The following ZP3 variants were observed in gnomAD, a reference collection of about 807,000 sequenced individuals.
ZP3 encodes the protein zona pellucida sperm-binding protein 3.
A neutral mutation model predicts 35.6 loss-of-function variants in ZP3; 21 were observed. The ratio of observed to expected loss-of-function variants is 0.59; its 90% CI spans 0.42 to 0.85. The LOEUF (loss-of-function observed/expected upper bound fraction) is 0.85. Ranked by LOEUF, ZP3 falls within the 40% of genes least tolerant of loss-of-function variation. The pLI is 0.00. For synonymous variants in ZP3, 207 were observed against 214.5 expected, an observed-to-expected ratio of 0.96 and a Z score of 0.31; for missense variants, 437 against 536.5, an observed-to-expected ratio of 0.81 and a Z score of 1.83.
chr7:76,411,013 A>AAAAAAAAAAAAAAAAAAAAAG (rs1554623386), intron 1 of ZP3, among the ~76,000 whole-genome samples: 1 of 131,140 alleles, frequency 7.6e-6, no homozygotes, highest in African/African-American at 3.1e-5. Context: ...AAAAAAAAAA[A>AAAAAAAAAAAAAAAAAAAAAG]AAAAGAAAAG....
intron 1 of ZP3, among the ~76,000 whole-genome samples, chr7:76,412,804 G>A (rs1337187005): frequency 6.0e-5 from 9 of 150,896 alleles, no homozygotes; most frequent in Non-Finnish European, 1.2e-4. Flanking sequence ...AGCTGAGATC[G>A]CGCCATTGCA....
At chr7:76,422,186 T>C (rs367780753), upstream of ZP3, among the ~76,000 whole-genome samples, 16 of 151,618 alleles carry the variant, frequency 1.1e-4, no homozygotes, top group East Asian at 3.1e-3. Context: ...CATGAGCCAC[T>C]ACGCCCGGCC....
At chr7:76,432,857 C>A in intron 2 of ZP3, 70 bp from the exon 3 acceptor site, 1 of 1,332,200 alleles carries the variant, frequency 7.5e-7, no homozygotes, top group Non-Finnish European at 1.1e-6. Flanking sequence ...CAGTGAGATA[C>A]TCCCCATCAG....
intron 7 of ZP3, 120 bp from the exon 8 acceptor site, chr7:76,441,722 T>G (rs1041858239): frequency 4.0e-5 from 48 of 1,193,094 alleles, no homozygotes; most frequent in South Asian, 3.8e-5. Flanking sequence ...AGAAACTGTT[T>G]ATTAGCCCAC....
intron 1 of ZP3, among the ~76,000 whole-genome samples, chr7:76,414,070 C>G (rs1000116853): frequency 6.7e-6 from 1 of 150,246 alleles, no homozygotes; most frequent in Non-Finnish European, 1.5e-5. Flanking sequence ...GATCTCAGCT[C>G]GCTGCAACCT....
In ZP3 at chr7:76,401,050, C is replaced by A; in HGVS notation, c.-67+3253C>A. On this transcript the variant is annotated intron_variant, in intron 1 of 8. Coordinates refer to the ZP3 transcript ENST00000336517. ...GTGGGCTGTAGGGCGCTGGCTGAAA[C>A]AGAGTGAGGAAGAGCATTGGCCCCT... 6.5e-7 allele frequency: 1 copy of A among 1,545,864 alleles called. No individual in the cohort carries two copies. Among genetic ancestry groups the A allele is most frequent in the Non-Finnish European group, 8.7e-7 (1 of 1,144,028 alleles).
intron 1 of ZP3, among the ~76,000 whole-genome samples, chr7:76,398,170 C>T (rs1305619159): frequency 6.6e-6 from 1 of 152,152 alleles, no homozygotes; most frequent in Admixed American, 6.6e-5. Flanking sequence ...CCTCTTCCAC[C>T]TCTGGACTTC....
Position 76,419,254 on chromosome 7 carries a change from A to G in ZP3, c.-66-5798A>G, listed in dbSNP as rs535522280. On this transcript the variant is annotated intron_variant, in intron 1 of 8. Transcript: ENST00000336517. ...TTTGGAGGGTAGGGTCTTATTTAGCAAATATTTTCCAGCTCACTCTGCCCT... is the reference window on the plus strand; with the variant it reads ...TTTGGAGGGTAGGGTCTTATTTAGCGAATATTTTCCAGCTCACTCTGCCCT... Among the ~76,000 whole-genome samples the G allele has an allele frequency of 3.9e-5, 6 of 152,296 alleles. No individual in the cohort carries two copies. The East Asian group carries it at 1.2e-3, about 29-fold the overall frequency.
At chr7:76,398,710 G>A (rs749922061) in intron 1 of ZP3, 3 of 1,612,470 alleles carry the variant, frequency 1.9e-6, no homozygotes, top group Non-Finnish European at 1.7e-6. Flanking sequence ...CCCACATTAT[G>A]CTTACGTACT....
intron 1 of ZP3, among the ~76,000 whole-genome samples, chr7:76,411,246 C>T (rs7777294): frequency 0.17 from 26,072 of 151,880 alleles, 4,373 homozygotes; most frequent in African/African-American, 0.43. Flanking sequence ...TTTTTCGGTT[C>T]CTAAGCAAGC....
At chr7:76,429,010 ACTTCCTGACTG>A (rs1472284220) in intron 1 of ZP3, 1 of 167,496 alleles carries the variant, frequency 6.0e-6, no homozygotes, top group African/African-American at 2.4e-5. Context: ...ACAGCTGGGC[ACTTCCTGACTG>A]CTTCCTGGCG....
intron 3 of ZP3, 60 bp downstream of exon 3, chr7:76,433,090 G>A: frequency 1.6e-6 from 2 of 1,251,076 alleles, no homozygotes; most frequent in South Asian, 3.0e-5. Flanking sequence ...TCAGACCCCT[G>A]CCCTTGGCTG....
intron 1 of ZP3, among the ~76,000 whole-genome samples, chr7:76,405,308 TATATATATG>T (rs1804973194): frequency 1.6e-5 from 1 of 64,422 alleles, no homozygotes; most frequent in African/African-American, 7.0e-5. Context: ...TATATATATA[TATATATATG>T]TATTTTTTTC....
intron 1 of ZP3, chr7:76,404,590 G>A: frequency 1.8e-6 from 2 of 1,123,414 alleles, no homozygotes; most frequent in Non-Finnish European, 2.6e-6. Context: ...CCAGGGGTTT[G>A]AGATCAGCCT....
chr7:76,414,107 A>G (rs1429524239), intron 1 of ZP3, among the ~76,000 whole-genome samples: 4 of 147,396 alleles, frequency 2.7e-5, no homozygotes, highest in Admixed American at 6.8e-5. Context: ...AGTGATTCTC[A>G]TGCCTCAGCC....
chr7:76,407,855 G>A (rs994440592), intron 1 of ZP3, among the ~76,000 whole-genome samples: 6 of 152,206 alleles, frequency 3.9e-5, no homozygotes, highest in Non-Finnish European at 7.3e-5. Context: ...TTTTAGCAAG[G>A]GTCTGATGCA....
intron 1 of ZP3, among the ~76,000 whole-genome samples, chr7:76,403,170 T>C (rs1804883927): frequency 6.6e-6 from 1 of 152,066 alleles, no homozygotes; most frequent in African/African-American, 2.4e-5. Flanking sequence ...TGCTTGAGAG[T>C]GGAGGTGGGA....
At chr7:76,401,053 A>C in intron 1 of ZP3, 1 of 1,543,938 alleles carries the variant, frequency 6.5e-7, no homozygotes, top group Non-Finnish European at 8.7e-7. Flanking sequence ...GCTGAAACAG[A>C]GTGAGGAAGA....
At chr7:76,403,003 A>T (rs1044919038) in intron 1 of ZP3, among the ~76,000 whole-genome samples, 12 of 152,282 alleles carry the variant, frequency 7.9e-5, no homozygotes, top group African/African-American at 2.9e-4. Context: ...GTTAATCATT[A>T]GGATAATTTA....
Sources: gnomAD v4.1 joint callset for allele counts (sites outside exome capture counted in the v4.1 genomes callset) on GRCh38, gnomAD v4.1.1 for gene constraint, MANE v1.5 for transcripts, NCBI Gene and HGNC (gene_info 2026-07-23, HGNC 2026-07-21) for gene names.